CHRM3: variants seen among roughly 807,000 people sequenced by gnomAD.
CHRM3 encodes muscarinic acetylcholine receptor M3.
CHRM3 carries 11 observed loss-of-function variants against 41.8 expected under a neutral mutation model. The ratio of observed to expected loss-of-function variants is 0.26; its 90% CI spans 0.17 to 0.44. The LOEUF (loss-of-function observed/expected upper bound fraction) is 0.44. Among genes scored for constraint, CHRM3 ranks in the 20% least tolerant of loss-of-function variants. CHRM3 has a pLI of 1.00. For missense variants in CHRM3, 571 were observed against 745.4 expected (o/e 0.77, Z 2.72); for synonymous variants, 297 against 301.4 (o/e 0.99, Z 0.15).
chr1:239,790,247 G>C (rs1669231935), intron 5 of CHRM3, among the ~76,000 whole-genome samples: 1 of 152,148 alleles, frequency 6.6e-6, no homozygotes, highest in Non-Finnish European at 1.5e-5. Context: ...AGGCATGATT[G>C]GTTTTAAAAT....
Position 239,627,916 on chromosome 1 carries a change from C to G in CHRM3, c.-312-4308C>G, listed in dbSNP as rs1258447226. On this transcript the variant is annotated intron_variant, in intron 3 of 6. Coordinates refer to ENST00000676153, the MANE Select transcript of CHRM3 (RefSeq NM_001375978.1). ...TTCCTTTGAGGGTAACCCGACCATT[C>G]TCTCTGGCTGCCCTTAACATTTTTT... Among the ~76,000 whole-genome samples, 90 of 149,818 alleles carry G rather than the reference C, an allele frequency of 6.0e-4. 2 individuals carry two copies. The highest frequency in any genetic ancestry group is 1.9e-3 in the African/African-American group (78 of 40,164).
rs908184516 is a variant in CHRM3 at position 239,912,985 on chromosome 1, C to T, written c.*3761C>T. On this transcript the variant is annotated 3_prime_UTR_variant, in exon 7 of 7. Transcript: ENST00000676153. ...CATTGCTCAAACTAAGCAACAACAC[C>T]GAAGCTTCTCTAATTTGCCTTCTGA... The T allele has an allele frequency of 6.0e-6, 1 of 167,126 alleles. No individual in the cohort carries two copies. Among genetic ancestry groups the T allele is most frequent in the Non-Finnish European group, 1.5e-5 (1 of 68,102 alleles). The allele number at this position is 167,126 out of a possible 1,614,324, so 10.4% of individuals were successfully genotyped here.
At chr1:239,684,574 CT>C (rs1658890539) in intron 5 of CHRM3, among the ~76,000 whole-genome samples, 1 of 150,956 alleles carries the variant, frequency 6.6e-6, no homozygotes, top group Non-Finnish European at 1.5e-5. Context: ...GCGCTAGAAC[CT>C]GAGAAGCAGA....
At chr1:239,871,018 C>A (rs1382073576) in intron 6 of CHRM3, among the ~76,000 whole-genome samples, 2 of 152,058 alleles carry the variant, frequency 1.3e-5, no homozygotes, top group Non-Finnish European at 2.9e-5. Context: ...CCCATCCCAA[C>A]AGTGTCCTCG....
intron 5 of CHRM3, among the ~76,000 whole-genome samples, chr1:239,792,024 G>C (rs575113075): frequency 1.5e-4 from 23 of 152,322 alleles, no homozygotes; most frequent in African/African-American, 5.3e-4. Context: ...GACGCATTTG[G>C]ACAGGTCAAG....
intron 1 of CHRM3, among the ~76,000 whole-genome samples, chr1:239,492,105 C>T (rs532143410): frequency 6.6e-6 from 1 of 152,298 alleles, no homozygotes; most frequent in South Asian, 2.1e-4. Context: ...TGTGGAAGCA[C>T]ACACACATAG....
chr1:239,648,358 C>T (rs1671923946), intron 4 of CHRM3, among the ~76,000 whole-genome samples: 1 of 152,172 alleles, frequency 6.6e-6, no homozygotes, highest in Non-Finnish European at 1.5e-5. Flanking sequence ...CCTACATTGC[C>T]ATTGTGCACA....
chr1:239,818,126 G>A (rs1473024701), intron 5 of CHRM3, among the ~76,000 whole-genome samples: 1 of 152,140 alleles, frequency 6.6e-6, no homozygotes, highest in Non-Finnish European at 1.5e-5. Context: ...AGGCAGAGTT[G>A]ATATCTGGTG....
chr1:239,867,353 G>A (rs1676200581), intron 6 of CHRM3, among the ~76,000 whole-genome samples: 1 of 152,216 alleles, frequency 6.6e-6, no homozygotes, highest in Admixed American at 6.5e-5. Flanking sequence ...AGATATAGGA[G>A]TGTGCCCACT....
At chr1:239,745,635 C>T (rs922594459) in intron 5 of CHRM3, among the ~76,000 whole-genome samples, 6 of 151,994 alleles carry the variant, frequency 3.9e-5, no homozygotes, top group South Asian at 2.1e-4. Flanking sequence ...TAATGCTGTC[C>T]GTCTCCTACC....
At chr1:239,731,661 T>G (rs920013602) in intron 5 of CHRM3, among the ~76,000 whole-genome samples, 3 of 151,954 alleles carry the variant, frequency 2.0e-5, no homozygotes, top group Admixed American at 6.6e-5. Flanking sequence ...GTGAACACTT[T>G]CTAGTACAAA....
At chr1:239,798,082 T>C (rs2148902828) in intron 5 of CHRM3, among the ~76,000 whole-genome samples, 1 of 152,194 alleles carries the variant, frequency 6.6e-6, no homozygotes, top group South Asian at 2.1e-4. Flanking sequence ...AATTCCACAT[T>C]CTCACAGCCC....
chr1:239,554,218 C>T (rs1011255009), intron 3 of CHRM3, among the ~76,000 whole-genome samples: 2 of 152,056 alleles, frequency 1.3e-5, no homozygotes, highest in African/African-American at 4.8e-5. Context: ...ATTTGAAATT[C>T]AAACATTAAA....
intron 3 of CHRM3, among the ~76,000 whole-genome samples, chr1:239,589,417 CA>C (rs1663819393): frequency 6.6e-6 from 1 of 150,928 alleles, no homozygotes. Flanking sequence ...AAGCACTGTT[CA>C]TGAAAAAATC....
intron 1 of CHRM3, among the ~76,000 whole-genome samples, chr1:239,461,243 A>G (rs1458948875): frequency 1.3e-5 from 2 of 152,186 alleles, no homozygotes; most frequent in Non-Finnish European, 2.9e-5. Context: ...GATTATATTT[A>G]AAATTAAATG....
intron 2 of CHRM3, among the ~76,000 whole-genome samples, chr1:239,539,749 G>C (rs754913496): frequency 1.7e-4 from 26 of 151,792 alleles, no homozygotes; most frequent in Non-Finnish European, 2.6e-4. Flanking sequence ...TCCTACCTCA[G>C]CCTCCTGAGT....
In CHRM3 at chr1:239,600,552, T is replaced by G. The variant is rs563229845; in HGVS notation, c.-312-31672T>G. On this transcript the variant is annotated intron_variant, in intron 3 of 6. Coordinates refer to ENST00000676153, the MANE Select transcript of CHRM3 (RefSeq NM_001375978.1). ...AGTTGAAACTAAGTCATGTTTTAACTTAAAGAAAAGAAGGGTAAAATGATG... is the reference window on the plus strand; with the variant it reads ...AGTTGAAACTAAGTCATGTTTTAACGTAAAGAAAAGAAGGGTAAAATGATG... Among the ~76,000 whole-genome samples the G allele has an allele frequency of 1.4e-3, 208 of 152,208 alleles. 2 individuals are homozygous for G. The South Asian group carries it at 0.015, about 11-fold the overall frequency.
chr1:239,409,951 A>G (rs899901359), intron 1 of CHRM3, among the ~76,000 whole-genome samples: 2 of 152,062 alleles, frequency 1.3e-5, no homozygotes, highest in Non-Finnish European at 2.9e-5. Context: ...AACAAAAACA[A>G]ACAAAAAAAA....
intron 3 of CHRM3, among the ~76,000 whole-genome samples, chr1:239,576,602 A>ACG (rs148901022): frequency 6.6e-6 from 1 of 150,722 alleles, no homozygotes; most frequent in Non-Finnish European, 1.5e-5. Context: ...ACGCACACAC[A>ACG]CACACACACA....
Sources: gnomAD v4.1 joint callset for allele counts (sites outside exome capture counted in the v4.1 genomes callset) on GRCh38, gnomAD v4.1.1 for gene constraint, MANE v1.5 for transcripts, NCBI Gene and HGNC (gene_info 2026-07-23, HGNC 2026-07-21) for gene names.